The following MYO3B variants were observed in gnomAD, a reference collection of about 807,000 sequenced individuals.
The protein encoded by MYO3B is myosin IIIB, also known as myosin-IIIb.
MYO3B carries 156 observed loss-of-function variants against 174.6 expected under a neutral mutation model. That is an observed-to-expected ratio of 0.89 (90% CI 0.78 to 1.02). The LOEUF (loss-of-function observed/expected upper bound fraction) is 1.02. Ranked by LOEUF, MYO3B falls within the 50% of genes least tolerant of loss-of-function variation. MYO3B has a pLI of 0.00. For missense variants in MYO3B, 1,632 were observed against 1,639.4 expected (o/e 1.00, Z 0.08); for synonymous variants, 563 against 569.1 (o/e 0.99, Z 0.15).
intron 7 of MYO3B, among the ~76,000 whole-genome samples, chr2:170,259,343 T>C (rs1396197886): frequency 6.6e-6 from 1 of 152,136 alleles, no homozygotes; most frequent in Non-Finnish European, 1.5e-5. Context: ...CCAAAAAGCA[T>C]GGTACTGGTA....
chr2:170,468,427 T>G (rs1160918352), intron 25 of MYO3B, among the ~76,000 whole-genome samples: 1 of 152,174 alleles, frequency 6.6e-6, no homozygotes, highest in Non-Finnish European at 1.5e-5. Flanking sequence ...AGTATACACC[T>G]GGTGGTGTTC....
Position 170,498,683 on chromosome 2 carries a change from T to C in MYO3B, c.3106T>C (p.Trp1036Arg), listed in dbSNP as rs1391124501. The stretch of plus-strand genomic sequence containing the variant: ...CTTGGAAAAGTCCAGATTAGATCAC[T>C]GGGTACTGGGAAAAACAAAGGTAGT... ...AILEKSRLDH[W>R]VLGKTKVFLK... The change falls in exon 26 of 35, where the codon TGG becomes CGG. Residue 1036 changes from tryptophan (W) to arginine (R), a missense_variant. Coordinates refer to ENST00000408978, the MANE Select transcript of MYO3B (RefSeq NM_138995.5). 2 of 1,610,568 alleles carry C rather than the reference T, an allele frequency of 1.2e-6. No homozygotes were observed. Among genetic ancestry groups the C allele is most frequent in the East Asian group, 4.5e-5 (2 of 44,830 alleles).
At chr2:170,278,202 TA>T (rs2093477554) in intron 7 of MYO3B, among the ~76,000 whole-genome samples, 1 of 152,188 alleles carries the variant, frequency 6.6e-6, no homozygotes, top group African/African-American at 2.4e-5. Flanking sequence ...CAATTATGTG[TA>T]ATTTTTATCC....
intron 7 of MYO3B, among the ~76,000 whole-genome samples, chr2:170,262,625 A>C (rs1289031588): frequency 6.6e-6 from 1 of 152,182 alleles, no homozygotes; most frequent in Non-Finnish European, 1.5e-5. Flanking sequence ...TCTGAGGGCC[A>C]GGAAGAAATC....
intron 22 of MYO3B, among the ~76,000 whole-genome samples, chr2:170,433,290 A>G (rs1288102095): frequency 6.6e-6 from 1 of 152,228 alleles, no homozygotes; most frequent in African/African-American, 2.4e-5. Context: ...TTATCCATAA[A>G]TATGCTGGGT....
At position 170,553,909 on chromosome 2, in the gene MYO3B, C is replaced by T. The variant is rs116035711; in HGVS notation, c.3733+9921C>T. On this transcript the variant is annotated intron_variant, in intron 32 of 34. Transcript: ENST00000408978. ...ATTGTTTAAAAGTAAGCAGCACTTC[C>T]CCCTTCCCTCTGTCCTGCTGACATG... Among the ~76,000 whole-genome samples, 865 of 152,226 alleles carry T rather than the reference C, an allele frequency of 5.7e-3. 2 individuals carry two copies. Among genetic ancestry groups the T allele is most frequent in the African/African-American group, 0.019 (791 of 41,532 alleles).
At chr2:170,306,038 T>G (rs1054871813) in intron 7 of MYO3B, among the ~76,000 whole-genome samples, 3 of 152,192 alleles carry the variant, frequency 2.0e-5, no homozygotes, top group Non-Finnish European at 2.9e-5. Context: ...TGGTAACCAG[T>G]CCAGTCTACT....
intron 6 of MYO3B, among the ~76,000 whole-genome samples, chr2:170,222,280 G>T (rs531750482): frequency 1.3e-5 from 2 of 152,312 alleles, no homozygotes; most frequent in South Asian, 4.1e-4. Context: ...CAAACAGCGA[G>T]AAGTTAAAGT....
intron 1 of MYO3B, among the ~76,000 whole-genome samples, chr2:170,192,069 T>G (rs921779810): frequency 6.6e-6 from 1 of 152,158 alleles, no homozygotes; most frequent in African/African-American, 2.4e-5. Context: ...TGATTTGAAG[T>G]TTTTTTCTTC....
intron 32 of MYO3B, among the ~76,000 whole-genome samples, chr2:170,647,528 C>G (rs1158659267): frequency 6.6e-6 from 1 of 152,108 alleles, no homozygotes; most frequent in South Asian, 2.1e-4. Context: ...TGGCAAAGCA[C>G]CTGGAAGTTA....
chr2:170,492,236 G>T (rs569520464), intron 25 of MYO3B, among the ~76,000 whole-genome samples: 88 of 152,198 alleles, frequency 5.8e-4, no homozygotes, highest in Non-Finnish European at 1.1e-3. Flanking sequence ...ACTGGGCACT[G>T]TTCCTTCTAA....
chr2:170,416,098 C>T (rs74820824), intron 22 of MYO3B, among the ~76,000 whole-genome samples: 1,525 of 152,204 alleles, frequency 0.01, 16 homozygotes, highest in Middle Eastern at 0.02. Flanking sequence ...CACAGAGACA[C>T]GCACCAGGAG....
chr2:170,597,128 G>A (rs571579894), intron 32 of MYO3B, among the ~76,000 whole-genome samples: 1 of 152,062 alleles, frequency 6.6e-6, no homozygotes, highest in East Asian at 1.9e-4. Context: ...CTCCCACTAC[G>A]GAGCCACCAT....
chr2:170,647,192 G>A (rs907239657), intron 32 of MYO3B, among the ~76,000 whole-genome samples: 2 of 152,030 alleles, frequency 1.3e-5, no homozygotes, highest in Non-Finnish European at 2.9e-5. Flanking sequence ...AAGAGTAAAG[G>A]ATTTAGAATT....
chr2:170,635,970 T>C (rs1035240170), intron 32 of MYO3B, among the ~76,000 whole-genome samples: 22 of 152,322 alleles, frequency 1.4e-4, no homozygotes, highest in African/African-American at 5.3e-4. Context: ...GTGTCAAAAA[T>C]CACAACTTAG....
intron 32 of MYO3B, among the ~76,000 whole-genome samples, chr2:170,608,973 A>G (rs79875797): frequency 0.04 from 6,093 of 152,320 alleles, 165 homozygotes; most frequent in East Asian, 0.058. Context: ...TCAGGGAAAG[A>G]AATAAACAAA....
intron 32 of MYO3B, among the ~76,000 whole-genome samples, chr2:170,625,051 G>T (rs1432248890): frequency 6.6e-6 from 1 of 152,188 alleles, no homozygotes; most frequent in Non-Finnish European, 1.5e-5. Context: ...TCTCTGCCAG[G>T]CTTTGGTATC....
intron 23 of MYO3B, among the ~76,000 whole-genome samples, chr2:170,444,960 G>A (rs2094829600): frequency 6.6e-6 from 1 of 152,130 alleles, no homozygotes. Flanking sequence ...ATTTAATACA[G>A]TTGGTTCTCA....
chr2:170,629,293 C>T (rs1696735202), intron 32 of MYO3B, among the ~76,000 whole-genome samples: 1 of 152,168 alleles, frequency 6.6e-6, no homozygotes, highest in African/African-American at 2.4e-5. Flanking sequence ...ATGCCCACTT[C>T]CTGGATTAGC....
Sources: allele counts gnomAD v4.1 joint callset (sites outside exome capture counted in the v4.1 genomes callset), GRCh38; gene constraint gnomAD v4.1.1; transcripts MANE v1.5; gene names NCBI Gene and HGNC (gene_info 2026-07-23, HGNC 2026-07-21).